The following TOP1 variants were observed in gnomAD, a reference collection of about 807,000 sequenced individuals.
The protein encoded by TOP1 is DNA topoisomerase I.
In TOP1, 10 loss-of-function variants were observed where a neutral mutation model predicts 111.1. The ratio of observed to expected loss-of-function variants is 0.09; its 90% CI spans 0.06 to 0.15. The LOEUF (loss-of-function observed/expected upper bound fraction) is 0.15. Ranked by LOEUF, TOP1 falls within the 10% of genes least tolerant of loss-of-function variation. The pLI, the probability that TOP1 is intolerant of heterozygous loss-of-function variation, is 1.00. For synonymous variants in TOP1, 271 were observed against 302.9 expected, an observed-to-expected ratio of 0.89 and a Z score of 1.10; for missense variants, 474 against 926.7, an observed-to-expected ratio of 0.51 and a Z score of 6.34.
Position 41,077,642 on chromosome 20 carries a change from G to T in TOP1, c.335+5G>T. The T allele has an allele frequency of 1.2e-6, 2 of 1,613,952 alleles. No individual in the cohort carries two copies. Among genetic ancestry groups the T allele is most frequent in the Non-Finnish European group, 1.7e-6 (2 of 1,179,800 alleles). On this transcript the variant is annotated splice_donor_5th_base_variant and intron_variant, in intron 5 of 20. Coordinates refer to ENST00000361337, the MANE Select transcript of TOP1 (RefSeq NM_003286.4). ...GAAGGAAAATGGCTTCTCTAGGTAA[G>T]ACTTTGCTGCTGCGTGGGCTTCCCT...
chr20:41,057,330 C>T lies in TOP1; in HGVS notation c.59-4064C>T, dbSNP rs529417544. Among the ~76,000 whole-genome samples, 181 of 151,032 alleles carry T rather than the reference C, an allele frequency of 1.2e-3. 1 individual carries two copies. The highest frequency in any genetic ancestry group is 4.0e-3 in the African/African-American group (164 of 41,062). On this transcript the variant is annotated intron_variant, in intron 2 of 20. Coordinates refer to ENST00000361337, the MANE Select transcript of TOP1 (RefSeq NM_003286.4). ...CCGGGAGGCTGAGGTTGCAGTGAGC[C>T]GAGATCACACCACTGCACTCCAGCC...
At chr20:41,056,616 T>G (rs554850619) in intron 2 of TOP1, among the ~76,000 whole-genome samples, 1 of 152,140 alleles carries the variant, frequency 6.6e-6, no homozygotes, top group Non-Finnish European at 1.5e-5. Context: ...GAGCAGCCAG[T>G]ATTACAGGTG....
At chr20:41,037,966 CAT>C (rs2033210327) in intron 2 of TOP1, among the ~76,000 whole-genome samples, 1 of 152,060 alleles carries the variant, frequency 6.6e-6, no homozygotes, top group African/African-American at 2.4e-5. Context: ...CAAAGATAAA[CAT>C]ATCAGGAAAA....
chr20:41,076,891 G>C (rs2145935518), intron 4 of TOP1, among the ~76,000 whole-genome samples: 1 of 152,272 alleles, frequency 6.6e-6, no homozygotes, highest in South Asian at 2.1e-4. Context: ...CCGCTATACT[G>C]ATTATGTTTT....
Position 41,109,052 on chromosome 20 carries a change from CT to C in TOP1, c.1309-3729del, listed in dbSNP as rs2034192986. 6.6e-6 allele frequency among the ~76,000 whole-genome samples: 1 copy of C among 152,202 alleles called. No homozygotes were observed. Among genetic ancestry groups the C allele is most frequent in the Non-Finnish European group, 1.5e-5 (1 of 68,036 alleles). ...TATTGCGTTTAGTCCTGTTAAAATA[CT>C]CTCAGTGCCAAATACACACTTCTGC... On this transcript the variant is annotated intron_variant, in intron 13 of 20. Coordinates refer to ENST00000361337, the MANE Select transcript of TOP1 (RefSeq NM_003286.4). The surrounding 1 kb of genome is among the most constrained non-coding windows in gnomAD (Gnocchi z 4.1).
rs1396593041 is a variant in TOP1, at chr20:41,072,834, A to T, written c.156-3337A>T. The T allele has an allele frequency of 5.1e-6, 5 of 985,302 alleles. No individual in the cohort carries two copies. The African/African-American group carries it at 5.2e-5, about 10-fold the overall frequency. 61.0% of individuals were successfully genotyped at this position (985,302 alleles called of 1,614,324 possible). A position where few individuals can be genotyped will look rare whatever the true frequency, so the allele number is the denominator to read the frequency against. On this transcript the variant is annotated intron_variant, in intron 3 of 20. Coordinates refer to ENST00000361337, the MANE Select transcript of TOP1 (RefSeq NM_003286.4). ...TGCCCTGTAATAGAAGCTGTCCTTA[A>T]CCCTCAATCATCTGTATTCAGCTAG...
chr20:41,090,801 C>T (rs2033911323), intron 8 of TOP1, among the ~76,000 whole-genome samples: 2 of 152,174 alleles, frequency 1.3e-5, no homozygotes, highest in African/African-American at 4.8e-5. Context: ...GTACTCTGCC[C>T]AGCTGCAATT....
intron 8 of TOP1, among the ~76,000 whole-genome samples, chr20:41,087,644 C>T (rs961576366): frequency 4.6e-5 from 7 of 152,128 alleles, no homozygotes; most frequent in Non-Finnish European, 8.8e-5. Flanking sequence ...ACCAGAAAAA[C>T]TTCCCTTAAT....
chr20:41,056,200 G>A (rs2033468825), intron 2 of TOP1, among the ~76,000 whole-genome samples: 1 of 152,146 alleles, frequency 6.6e-6, no homozygotes, highest in South Asian at 2.1e-4. Context: ...TTTACCTACT[G>A]CAGAATATCT....
intron 2 of TOP1, among the ~76,000 whole-genome samples, chr20:41,048,264 A>G (rs1157109632): frequency 6.6e-6 from 1 of 152,174 alleles, no homozygotes; most frequent in Non-Finnish European, 1.5e-5. Flanking sequence ...GGAATAAGAA[A>G]TAATAATGCA....
chr20:41,085,154 T>C (rs923315187), intron 8 of TOP1, among the ~76,000 whole-genome samples: 5 of 151,190 alleles, frequency 3.3e-5, no homozygotes, highest in Non-Finnish European at 2.9e-5. Context: ...GAAAAAAAGC[T>C]CTTTTAAAAC....
chr20:41,039,497 A>G (rs930470591), intron 2 of TOP1, among the ~76,000 whole-genome samples: 2 of 151,970 alleles, frequency 1.3e-5, no homozygotes, highest in African/African-American at 4.8e-5. Context: ...TTTTTTTTGT[A>G]TACCTATATA....
At chr20:41,093,013 G>T (rs1366001816) in intron 9 of TOP1, among the ~76,000 whole-genome samples, 1 of 152,194 alleles carries the variant, frequency 6.6e-6, no homozygotes, top group African/African-American at 2.4e-5. Context: ...GTATATGGTC[G>T]AGGATTAATA....
rs913340681 is a variant in TOP1, at chr20:41,078,848, A to G, written c.335+1211A>G. ...CTGGCTTGTGTATATGTCTTTGTAG[A>G]GAATCCAGATGCTTCACTGGAATAC... On this transcript the variant is annotated intron_variant, in intron 5 of 20. Coordinates refer to ENST00000361337, the MANE Select transcript of TOP1 (RefSeq NM_003286.4). The surrounding 1 kb of genome is among the most constrained non-coding windows in gnomAD (Gnocchi z 5.3). Among the ~76,000 whole-genome samples the G allele has an allele frequency of 1.3e-5, 2 of 152,204 alleles. No individual in the cohort carries two copies. The highest frequency in any genetic ancestry group is 4.8e-5 in the African/African-American group (2 of 41,438).
rs3833886 is a variant in TOP1, at chr20:41,116,513, TC to T, written c.1822+124del. 434 of 703,406 alleles carry T rather than the reference TC, an allele frequency of 6.2e-4. 1 individual carries two copies. In the East Asian group the frequency reaches 0.01, roughly 17 times the overall value. The allele number at this position is 703,406 out of a possible 1,614,324, so 43.6% of individuals were successfully genotyped here. ...CCTACCATTGTGGTCAGACACTTTT[TC>T]CCTTTAGACCTCTAGTAGCGAGATA... On this transcript the variant is annotated intron_variant, in intron 17 of 20. Transcript: ENST00000361337. The surrounding 1 kb of genome is among the most constrained non-coding windows in gnomAD (Gnocchi z 5.6).
chr20:41,031,102 G>A (rs558699258), intron 2 of TOP1, among the ~76,000 whole-genome samples: 1 of 152,280 alleles, frequency 6.6e-6, no homozygotes, highest in Non-Finnish European at 1.5e-5. Context: ...TTCTGAGCTG[G>A]GGGTTGTGGA....
At chr20:41,059,269 G>A (rs916264797) in intron 2 of TOP1, among the ~76,000 whole-genome samples, 7 of 151,656 alleles carry the variant, frequency 4.6e-5, no homozygotes, top group Admixed American at 4.6e-4. Context: ...AAACCTCCAT[G>A]ACACGAGTTT....
intron 2 of TOP1, among the ~76,000 whole-genome samples, chr20:41,033,683 A>G (rs1349988434): frequency 6.6e-6 from 1 of 152,360 alleles, no homozygotes; most frequent in East Asian, 1.9e-4. Flanking sequence ...TAGAAGTTTC[A>G]GATTATACTA....
Position 41,078,564 on chromosome 20 carries a change from A to G in TOP1, c.335+927A>G, listed in dbSNP as rs564930865. 6.6e-6 allele frequency among the ~76,000 whole-genome samples: 1 copy of G among 152,236 alleles called. No individual in the cohort carries two copies. The highest frequency in any genetic ancestry group is 2.4e-5 in the African/African-American group (1 of 41,464). On this transcript the variant is annotated intron_variant, in intron 5 of 20. Coordinates refer to ENST00000361337, the MANE Select transcript of TOP1 (RefSeq NM_003286.4). This position sits in a 1 kb window ranked among gnomAD's most constrained non-coding sequence, Gnocchi z 5.3. ...TGTTTCATAATTGTTCTAGGAATGC[A>G]GAATAATACAATTCAGGAAGCATTA...
Sources: allele counts gnomAD v4.1 joint callset (sites outside exome capture counted in the v4.1 genomes callset), GRCh38; gene constraint gnomAD v4.1.1; non-coding constraint Gnocchi (gnomAD v3.1); transcripts MANE v1.5; gene names NCBI Gene and HGNC (gene_info 2026-07-23, HGNC 2026-07-21).